Variants in COMMD10 observed in about 807,000 individuals in gnomAD.
The protein encoded by COMMD10 is COMM domain-containing protein 10.
COMMD10 carries 33 observed loss-of-function variants against 28.9 expected under a neutral mutation model. That is an observed-to-expected ratio of 1.14 (90% CI 0.87 to 1.53). The LOEUF (loss-of-function observed/expected upper bound fraction) is 1.53, where lower values mean the gene tolerates loss of function less well. COMMD10 is among the 40% of genes most tolerant of loss of function. The pLI, the probability that COMMD10 is intolerant of heterozygous loss-of-function variation, is 0.00. For missense variants in COMMD10, 310 were observed against 233.4 expected (o/e 1.33, Z -2.14); for synonymous variants, 110 against 81.7 (o/e 1.35, Z -1.87).
At chr5:116,097,777 C>T (rs2112718250) in intron 4 of COMMD10, among the ~76,000 whole-genome samples, 1 of 152,028 alleles carries the variant, frequency 6.6e-6, no homozygotes, top group Non-Finnish European at 1.5e-5. Flanking sequence ...GAATGGGGAG[C>T]AGGTGTCTTT....
intron 4 of COMMD10, among the ~76,000 whole-genome samples, chr5:116,131,572 T>C (rs979154893): frequency 2.6e-5 from 4 of 152,044 alleles, no homozygotes; most frequent in Non-Finnish European, 5.9e-5. Context: ...CCTTGAAAGT[T>C]TGTATATGTT....
At chr5:116,270,967 TAAATA>T (rs74272862) in intron 5 of COMMD10, among the ~76,000 whole-genome samples, 11,076 of 151,378 alleles carry the variant, frequency 0.073, 506 homozygotes, top group Admixed American at 0.13. Context: ...TATATATAAA[TAAATA>T]AAATCACACC....
At chr5:116,211,622 T>C (rs1381214118) in intron 5 of COMMD10, among the ~76,000 whole-genome samples, 12 of 152,152 alleles carry the variant, frequency 7.9e-5, no homozygotes, top group Non-Finnish European at 1.8e-4. Flanking sequence ...TATGGATTTG[T>C]ATAAATAAAT....
At chr5:116,223,211 AAAG>A (rs915895202) in intron 5 of COMMD10, among the ~76,000 whole-genome samples, 6 of 151,864 alleles carry the variant, frequency 4.0e-5, no homozygotes, top group South Asian at 2.1e-4. Flanking sequence ...TTTTTGAAAA[AAAG>A]GAGATAGGAT....
At chr5:116,190,946 C>T (rs1748350000) in intron 5 of COMMD10, among the ~76,000 whole-genome samples, 1 of 152,098 alleles carries the variant, frequency 6.6e-6, no homozygotes, top group Non-Finnish European at 1.5e-5. Context: ...ACCAAATTTG[C>T]TGGAACTATA....
chr5:116,104,232 T>G (rs1750759488), intron 4 of COMMD10, among the ~76,000 whole-genome samples: 1 of 152,226 alleles, frequency 6.6e-6, no homozygotes, highest in Non-Finnish European at 1.5e-5. Context: ...ATAAATTACT[T>G]TGGACAGTAT....
intron 5 of COMMD10, among the ~76,000 whole-genome samples, chr5:116,144,824 A>G (rs1331247666): frequency 6.6e-6 from 1 of 151,876 alleles, no homozygotes; most frequent in Non-Finnish European, 1.5e-5. Context: ...ACTTTCGGAA[A>G]TAGGACAGTT....
chr5:116,131,878 G>T (rs1489776798), intron 4 of COMMD10, among the ~76,000 whole-genome samples: 1 of 152,014 alleles, frequency 6.6e-6, no homozygotes, highest in African/African-American at 2.4e-5. Context: ...AAACAGCATA[G>T]TATGTTTTGG....
At chr5:116,126,723 T>C (rs1421832694) in intron 4 of COMMD10, among the ~76,000 whole-genome samples, 4 of 152,204 alleles carry the variant, frequency 2.6e-5, no homozygotes, top group African/African-American at 9.7e-5. Flanking sequence ...GCTAGCCATA[T>C]GTAGAAAGCT....
At chr5:116,088,162 A>T (rs1248317899) in intron 2 of COMMD10, among the ~76,000 whole-genome samples, 1 of 152,182 alleles carries the variant, frequency 6.6e-6, no homozygotes, top group African/African-American at 2.4e-5. Context: ...ATTCCATCTC[A>T]TATTTATGGA....
intron 4 of COMMD10, among the ~76,000 whole-genome samples, chr5:116,106,900 C>A (rs1407091679): frequency 6.6e-6 from 1 of 152,164 alleles, no homozygotes; most frequent in Non-Finnish European, 1.5e-5. Context: ...CTCCTGAATA[C>A]AGCACACCAA....
chr5:116,204,413 G>C (rs1356074267), intron 5 of COMMD10, among the ~76,000 whole-genome samples: 1 of 152,002 alleles, frequency 6.6e-6, no homozygotes, highest in Non-Finnish European at 1.5e-5. Flanking sequence ...TATTCATTTA[G>C]ATGTTTTCTC....
intron 5 of COMMD10, among the ~76,000 whole-genome samples, chr5:116,208,778 A>G (rs1245573569): frequency 6.6e-6 from 1 of 152,020 alleles, no homozygotes; most frequent in Non-Finnish European, 1.5e-5. Context: ...GTTCCCTGTT[A>G]TTTTATCTTT....
chr5:116,156,847 G>C (rs142408258), intron 5 of COMMD10, among the ~76,000 whole-genome samples: 5 of 152,192 alleles, frequency 3.3e-5, no homozygotes, highest in African/African-American at 1.2e-4. Context: ...GAGAAGAGTT[G>C]TATTTTCCAA....
rs571913130 is a variant in COMMD10 at position 116,229,611 on chromosome 5, C to G, written c.511-61906C>G. On this transcript the variant is annotated intron_variant, in intron 5 of 6. Coordinates refer to ENST00000274458, the MANE Select transcript of COMMD10 (RefSeq NM_016144.4). The stretch of plus-strand genomic sequence containing the variant: ...AAGGAGAAGACAGTATGATTTTGCA[C>G]TAAAGTAGTTTATCATCTAAATTGG... Among the ~76,000 whole-genome samples the G allele has an allele frequency of 1.2e-3, 190 of 152,088 alleles. 1 individual carries two copies. The highest frequency in any genetic ancestry group is 2.4e-3 in the Non-Finnish European group (163 of 67,924).
At chr5:116,185,110 T>A (rs556947212) in intron 5 of COMMD10, among the ~76,000 whole-genome samples, 2 of 152,260 alleles carry the variant, frequency 1.3e-5, no homozygotes, top group East Asian at 3.9e-4. Context: ...AAGGGAGATA[T>A]AAGTACAAGT....
At chr5:116,178,174 TTAAA>T (rs1561650821) in intron 5 of COMMD10, among the ~76,000 whole-genome samples, 1 of 152,152 alleles carries the variant, frequency 6.6e-6, no homozygotes, top group Non-Finnish European at 1.5e-5. Context: ...AGCCAACTGC[TTAAA>T]TGAATGATGG....
chr5:116,095,125 T>C (rs1356849551), intron 4 of COMMD10, among the ~76,000 whole-genome samples: 3 of 152,292 alleles, frequency 2.0e-5, no homozygotes, highest in African/African-American at 4.8e-5. Context: ...ATGGTGCTTA[T>C]AGTTGACATC....
chr5:116,139,997 C>G (rs1752145040), intron 5 of COMMD10, among the ~76,000 whole-genome samples: 1 of 151,626 alleles, frequency 6.6e-6, no homozygotes, highest in Non-Finnish European at 1.5e-5. Flanking sequence ...CTTATTTATC[C>G]TACATAACTG....
Sources: gnomAD v4.1 joint callset for allele counts (sites outside exome capture counted in the v4.1 genomes callset) on GRCh38, gnomAD v4.1.1 for gene constraint, MANE v1.5 for transcripts, NCBI Gene and HGNC (gene_info 2026-07-23, HGNC 2026-07-21) for gene names.